The following SYT16 variants were observed in gnomAD, a reference collection of about 807,000 sequenced individuals.
SYT16 encodes synaptotagmin 16.
In SYT16, 42 loss-of-function variants were observed where a neutral mutation model predicts 61.4. That is an observed-to-expected ratio of 0.68 (90% confidence interval 0.53 to 0.89). The LOEUF (loss-of-function observed/expected upper bound fraction) is 0.89, where lower values mean the gene tolerates loss of function less well. SYT16 is among the 40% of genes least tolerant of loss of function. The probability of loss-of-function intolerance (pLI) is 0.00; values close to 1 mark genes in which losing one functional copy is unlikely to be tolerated. For synonymous variants in SYT16, 314 were observed against 302.3 expected, an observed-to-expected ratio of 1.04 and a Z score of -0.40; for missense variants, 804 against 807.3, an observed-to-expected ratio of 1.00 and a Z score of 0.05.
intron 3 of SYT16, among the ~76,000 whole-genome samples, chr14:62,008,186 CT>C (rs1566759275): frequency 1.3e-5 from 2 of 151,938 alleles, no homozygotes; most frequent in African/African-American, 4.8e-5. Flanking sequence ...AATCTCCTTT[CT>C]TTCTTCGCTG....
chr14:61,902,789 A>G (rs1462988204), intron 1 of SYT16, among the ~76,000 whole-genome samples: 1 of 152,220 alleles, frequency 6.6e-6, no homozygotes, highest in African/African-American at 2.4e-5. Flanking sequence ...GGCACTTTGT[A>G]CATGGCAGCA....
intron 1 of SYT16, among the ~76,000 whole-genome samples, chr14:61,847,347 T>A (rs969026568): frequency 6.6e-6 from 1 of 152,206 alleles, no homozygotes; most frequent in African/African-American, 2.4e-5. Context: ...AGTCTTTTTT[T>A]CCCCAGCACT....
intron 3 of SYT16, among the ~76,000 whole-genome samples, chr14:62,062,013 C>G (rs1040892264): frequency 6.6e-6 from 1 of 152,158 alleles, no homozygotes; most frequent in Non-Finnish European, 1.5e-5. Flanking sequence ...CTGCCATTAT[C>G]AGAACCGGAA....
At chr14:62,012,001 T>G (rs2053487401) in intron 3 of SYT16, among the ~76,000 whole-genome samples, 1 of 113,978 alleles carries the variant, frequency 8.8e-6, no homozygotes, top group Admixed American at 9.8e-5. Context: ...TCCTGCATGT[T>G]AAAAAAAAAA....
chr14:61,916,889 A>C (rs2049142234), intron 1 of SYT16, among the ~76,000 whole-genome samples: 1 of 152,034 alleles, frequency 6.6e-6, no homozygotes, highest in African/African-American at 2.4e-5. Flanking sequence ...AGTGACCTCC[A>C]GTTCCATCTA....
intron 3 of SYT16, among the ~76,000 whole-genome samples, chr14:62,028,734 T>G (rs1385165860): frequency 1.3e-5 from 2 of 152,184 alleles, no homozygotes; most frequent in African/African-American, 4.8e-5. Flanking sequence ...GTTCTTCTAT[T>G]GTACAACTAG....
At chr14:61,836,985 G>A (rs2046150967) in intron 1 of SYT16, among the ~76,000 whole-genome samples, 1 of 152,172 alleles carries the variant, frequency 6.6e-6, no homozygotes, top group African/African-American at 2.4e-5. Context: ...CCTACTGATA[G>A]GAGGAGCAAG....
chr14:61,923,761 T>A (rs1345015938), intron 1 of SYT16, among the ~76,000 whole-genome samples: 1 of 152,146 alleles, frequency 6.6e-6, no homozygotes, highest in Admixed American at 6.5e-5. Context: ...AATTATCTAG[T>A]ATTTGGTTTT....
chr14:62,029,619 A>C (rs549340132), intron 3 of SYT16, among the ~76,000 whole-genome samples: 1 of 152,274 alleles, frequency 6.6e-6, no homozygotes, highest in East Asian at 1.9e-4. Context: ...GAAGGTGAGA[A>C]TGCACACACC....
At chr14:61,838,983 C>T (rs2046221637) in intron 1 of SYT16, among the ~76,000 whole-genome samples, 1 of 151,452 alleles carries the variant, frequency 6.6e-6, no homozygotes, top group South Asian at 2.1e-4. Flanking sequence ...CCCCACCCCC[C>T]CGCCATGGTC....
At chr14:62,035,971 G>A (rs1401569119) in intron 3 of SYT16, among the ~76,000 whole-genome samples, 1 of 152,144 alleles carries the variant, frequency 6.6e-6, no homozygotes, top group Non-Finnish European at 1.5e-5. Context: ...CACTGTGCAA[G>A]CTATGTAGGC....
chr14:61,957,596 C>T (rs2050930536), intron 1 of SYT16, among the ~76,000 whole-genome samples: 2 of 151,782 alleles, frequency 1.3e-5, no homozygotes, highest in African/African-American at 2.4e-5. Context: ...GTTAATGAGG[C>T]ATATTTCATG....
chr14:61,924,651 A>T (rs771348481), intron 1 of SYT16, among the ~76,000 whole-genome samples: 1 of 152,090 alleles, frequency 6.6e-6, no homozygotes, highest in Non-Finnish European at 1.5e-5. Context: ...TCATACTACC[A>T]TGTTTTTCTT....
At chr14:61,843,239 T>C (rs2046351067) in intron 1 of SYT16, among the ~76,000 whole-genome samples, 1 of 152,256 alleles carries the variant, frequency 6.6e-6, no homozygotes, top group Non-Finnish European at 1.5e-5. Flanking sequence ...CCAGCATTTA[T>C]GATTCCCTGC....
chr14:61,971,800 C>T (rs1486323417), intron 2 of SYT16, among the ~76,000 whole-genome samples: 1 of 152,206 alleles, frequency 6.6e-6, no homozygotes, highest in Admixed American at 6.5e-5. Context: ...TTGAACTTCC[C>T]ATGGGACATA....
intron 1 of SYT16, among the ~76,000 whole-genome samples, chr14:61,839,531 C>A (rs1360678850): frequency 3.3e-5 from 5 of 152,040 alleles, no homozygotes; most frequent in Non-Finnish European, 7.4e-5. Flanking sequence ...TTAGCTGTGC[C>A]GTGAGAAAGC....
chr14:61,850,677 T>G (rs1218559034), intron 1 of SYT16, among the ~76,000 whole-genome samples: 1 of 152,212 alleles, frequency 6.6e-6, no homozygotes, highest in Admixed American at 6.5e-5. Context: ...ATCAGATGCA[T>G]TCAACAAAAA....
At chr14:61,882,252 A>T (rs2047727371) in intron 1 of SYT16, among the ~76,000 whole-genome samples, 1 of 152,018 alleles carries the variant, frequency 6.6e-6, no homozygotes, top group Admixed American at 6.6e-5. Flanking sequence ...TTGCACTATT[A>T]AAAAAAATTA....
intron 1 of SYT16, among the ~76,000 whole-genome samples, chr14:61,959,633 AT>A: frequency 6.6e-6 from 1 of 152,046 alleles, no homozygotes; most frequent in African/African-American, 2.4e-5. Flanking sequence ...TTTTCTTTTA[AT>A]TTACATTCTT....
Sources: gnomAD v4.1 joint callset for allele counts (sites outside exome capture counted in the v4.1 genomes callset) on GRCh38, gnomAD v4.1.1 for gene constraint, MANE v1.5 for transcripts, NCBI Gene and HGNC (gene_info 2026-07-23, HGNC 2026-07-21) for gene names.